PRDM16: variants seen among roughly 807,000 people sequenced by gnomAD.
PRDM16 encodes the protein histone-lysine N-methyltransferase PRDM16.
In PRDM16, 23 loss-of-function variants were observed where a neutral mutation model predicts 110.6. The ratio of observed to expected loss-of-function variants is 0.21; its 90% CI spans 0.15 to 0.29. PRDM16 has a LOEUF of 0.29. Among genes scored for constraint, PRDM16 ranks in the 10% least tolerant of loss-of-function variants. The pLI, the probability that PRDM16 is intolerant of heterozygous loss-of-function variation, is 1.00. For missense variants in PRDM16, 1,615 were observed against 1,794.3 expected (o/e 0.90, Z 1.81); for synonymous variants, 799 against 781.8 (o/e 1.02, Z -0.37).
chr1:3,377,075 C>T (rs905556703), intron 3 of PRDM16, among the ~76,000 whole-genome samples: 13 of 152,226 alleles, frequency 8.5e-5, no homozygotes, highest in East Asian at 1.9e-4. Flanking sequence ...ATTGTGTGTG[C>T]GCACGTGTGC....
At chr1:3,321,262 ATATT>A (rs60895271) in intron 3 of PRDM16, among the ~76,000 whole-genome samples, 5,999 of 152,084 alleles carry the variant, frequency 0.039, 332 homozygotes, top group African/African-American at 0.12. Flanking sequence ...ATGCATGTGA[ATATT>A]TATGTGTATG....
In PRDM16 at chr1:3,390,721, G is replaced by T. The variant is rs527640072; in HGVS notation, c.573+5435G>T. On this transcript the variant is annotated intron_variant, in intron 4 of 16. Coordinates refer to ENST00000270722, the MANE Select transcript of PRDM16 (RefSeq NM_022114.4). The surrounding 1 kb of genome is among the most constrained non-coding windows in gnomAD (Gnocchi z 5.0). ...CCGGGTCCCGCGTTTCTGTCTGGGC[G>T]TGTGCCCTGTCAGGGTTGCGGTTTT... Among the ~76,000 whole-genome samples the T allele has an allele frequency of 1.3e-5, 2 of 152,270 alleles. No homozygotes were observed. Among genetic ancestry groups the T allele is most frequent in the South Asian group, 4.1e-4 (2 of 4,832 alleles).
At chr1:3,384,396 A>G (rs1373330441) in intron 3 of PRDM16, among the ~76,000 whole-genome samples, 1 of 152,094 alleles carries the variant, frequency 6.6e-6, no homozygotes, top group African/African-American at 2.4e-5. Flanking sequence ...GCCGCCACCC[A>G]TGGTCAGGCT....
At chr1:3,323,036 T>G (rs1312642670) in intron 3 of PRDM16, among the ~76,000 whole-genome samples, 1 of 152,210 alleles carries the variant, frequency 6.6e-6, no homozygotes, top group Non-Finnish European at 1.5e-5. Context: ...TGGCCCGTGC[T>G]TCTGCGACAC....
intron 1 of PRDM16, among the ~76,000 whole-genome samples, chr1:3,078,942 C>T (rs538193934): frequency 1.1e-4 from 16 of 152,368 alleles, no homozygotes; most frequent in African/African-American, 3.6e-4. Flanking sequence ...GTAACAGCCT[C>T]GTCAGAGAGG....
At chr1:3,082,031 G>A (rs527964462) in intron 1 of PRDM16, among the ~76,000 whole-genome samples, 288 of 152,314 alleles carry the variant, frequency 1.9e-3, no homozygotes, top group Middle Eastern at 3.4e-3. Flanking sequence ...TTCCCTTGAC[G>A]CCTCAAATCG....
chr1:3,221,033 C>T (rs1434485296), intron 2 of PRDM16, among the ~76,000 whole-genome samples: 1 of 152,246 alleles, frequency 6.6e-6, no homozygotes, highest in African/African-American at 2.4e-5. Flanking sequence ...GTCATGTTTA[C>T]AACCCAGGGT....
chr1:3,422,571 G>A (rs1329700559), intron 12 of PRDM16, among the ~76,000 whole-genome samples: 1 of 152,244 alleles, frequency 6.6e-6, no homozygotes, highest in Non-Finnish European at 1.5e-5. Flanking sequence ...AAGCATGGCG[G>A]TCCCAGGGCC....
intron 1 of PRDM16, among the ~76,000 whole-genome samples, chr1:3,112,455 T>G (rs1481543911): frequency 2.0e-5 from 3 of 152,248 alleles, no homozygotes; most frequent in Non-Finnish European, 4.4e-5. Flanking sequence ...GCCCCGCGCT[T>G]GCACAGCCTG....
intron 3 of PRDM16, among the ~76,000 whole-genome samples, chr1:3,273,976 TAAAA>T (rs927412647): frequency 0.021 from 1,413 of 68,522 alleles, 21 homozygotes; most frequent in African/African-American, 0.062. Context: ...TATGGGGAGG[TAAAA>T]AAAAAAAAAA....
intron 1 of PRDM16, among the ~76,000 whole-genome samples, chr1:3,114,153 GCACACACACACGCACACACACGCACACA>G (rs1642861309): frequency 1.4e-5 from 2 of 142,516 alleles, no homozygotes; most frequent in Admixed American, 7.2e-5. Flanking sequence ...CTGCACACAC[GCACACACACACGCACACACACGCACACA>G]CACGCACACA....
chr1:3,267,213 TTC>T (rs777989215), intron 3 of PRDM16, among the ~76,000 whole-genome samples: 1 of 152,194 alleles, frequency 6.6e-6, no homozygotes, highest in African/African-American at 2.4e-5. Context: ...CAAGTCTGTC[TTC>T]TCTCTTTCTG....
At chr1:3,114,212 CACACGA>C (rs1322638285) in intron 1 of PRDM16, among the ~76,000 whole-genome samples, 1,688 of 135,018 alleles carry the variant, frequency 0.013, 34 homozygotes, top group African/African-American at 0.047. Flanking sequence ...CGCACACACG[CACACGA>C]ACACACACGC....
intron 3 of PRDM16, among the ~76,000 whole-genome samples, chr1:3,249,550 A>G (rs202064205): frequency 1.7e-5 from 1 of 58,476 alleles, no homozygotes; most frequent in South Asian, 6.1e-4. Context: ...ACCAAAAAAG[A>G]AAAAAAAAAA....
At chr1:3,136,598 C>T (rs912384024) in intron 1 of PRDM16, among the ~76,000 whole-genome samples, 7 of 152,144 alleles carry the variant, frequency 4.6e-5, no homozygotes, top group Admixed American at 3.9e-4. Flanking sequence ...GGAGTGGAGC[C>T]GCCCTTGCTT....
chr1:3,118,849 G>T (rs1280471675), intron 1 of PRDM16, among the ~76,000 whole-genome samples: 2 of 152,248 alleles, frequency 1.3e-5, no homozygotes, highest in Non-Finnish European at 2.9e-5. Context: ...CAGGTGTTTG[G>T]ACACAGGGCC....
intron 3 of PRDM16, among the ~76,000 whole-genome samples, chr1:3,273,045 T>C (rs1640493607): frequency 2.0e-5 from 3 of 152,196 alleles, no homozygotes; most frequent in Non-Finnish European, 4.4e-5. Flanking sequence ...AGCCGGAGTC[T>C]GCGTGGGAGA....
At chr1:3,276,716 C>CGAGGGGTGCCGTGAACAGAGCCAGT (rs1640593371) in intron 3 of PRDM16, among the ~76,000 whole-genome samples, 3 of 136,202 alleles carry the variant, frequency 2.2e-5, no homozygotes, top group Non-Finnish European at 4.5e-5. Context: ...ACAGAGCCAG[C>CGAGGGGTGCCGTGAACAGAGCCAGT]GAGGGGTGCC....
intron 2 of PRDM16, among the ~76,000 whole-genome samples, chr1:3,234,812 C>A (rs1639503540): frequency 6.6e-6 from 1 of 152,252 alleles, no homozygotes; most frequent in African/African-American, 2.4e-5. Context: ...CCCTTGTGTT[C>A]CTGCTCGGAG....
Sources: gnomAD v4.1 joint callset for allele counts (sites outside exome capture counted in the v4.1 genomes callset) on GRCh38, gnomAD v4.1.1 for gene constraint, Gnocchi (gnomAD v3.1) non-coding constraint, MANE v1.5 for transcripts, NCBI Gene and HGNC (gene_info 2026-07-23, HGNC 2026-07-21) for gene names.